The following MYL12B variants were observed in gnomAD, a reference collection of about 807,000 sequenced individuals.
The protein encoded by MYL12B is myosin light chain 12B, also known as myosin regulatory light chain 12B.
In MYL12B, 3 loss-of-function variants were observed where a neutral mutation model predicts 12.9. The ratio of observed to expected loss-of-function variants is 0.23; its 90% CI spans 0.11 to 0.60. The LOEUF (loss-of-function observed/expected upper bound fraction) is 0.60, where lower values mean the gene tolerates loss of function less well. Among genes scored for constraint, MYL12B ranks in the 20% least tolerant of loss-of-function variants. MYL12B has a pLI of 0.89. For synonymous variants in MYL12B, 57 were observed against 71.9 expected, an observed-to-expected ratio of 0.79 and a Z score of 1.05; for missense variants, 120 against 215.4, an observed-to-expected ratio of 0.56 and a Z score of 2.77.
intron 1 of MYL12B, among the ~76,000 whole-genome samples, chr18:3,264,174 G>A (rs1216521678): frequency 6.6e-6 from 1 of 152,104 alleles, no homozygotes; most frequent in African/African-American, 2.4e-5. Context: ...GTAGAGAAAA[G>A]CCTCATGTTG....
chr18:3,268,074 A>G (rs1253035623), intron 1 of MYL12B, among the ~76,000 whole-genome samples: 1 of 152,192 alleles, frequency 6.6e-6, no homozygotes, highest in Non-Finnish European at 1.5e-5. Context: ...GAACCTGTGG[A>G]TATGGAGGGC....
intron 1 of MYL12B, among the ~76,000 whole-genome samples, chr18:3,264,045 A>G (rs1381613185): frequency 6.6e-6 from 1 of 152,218 alleles, no homozygotes; most frequent in Non-Finnish European, 1.5e-5. Flanking sequence ...AGTGCCTGGC[A>G]CATCTTTAGC....
intron 2 of MYL12B, 36 bp from the exon 3 acceptor site, chr18:3,277,217 T>G (rs772863574): frequency 1.3e-5 from 19 of 1,494,678 alleles, no homozygotes; most frequent in Non-Finnish European, 1.4e-5. Context: ...AATTAAATGT[T>G]TTTGTCTTTA....
intron 1 of MYL12B, among the ~76,000 whole-genome samples, chr18:3,271,809 A>C (rs944351106): frequency 6.6e-6 from 1 of 151,900 alleles, no homozygotes; most frequent in Non-Finnish European, 1.5e-5. Flanking sequence ...TGAAATGACA[A>C]GTGCCTTTTC....
intron 1 of MYL12B, among the ~76,000 whole-genome samples, chr18:3,263,744 T>C (rs1487087632): frequency 6.6e-6 from 1 of 152,258 alleles, no homozygotes; most frequent in Non-Finnish European, 1.5e-5. Flanking sequence ...TTCCTCATTC[T>C]ACACATTAGC....
At chr18:3,274,617 C>A (rs1025141233) in intron 2 of MYL12B, among the ~76,000 whole-genome samples, 14 of 152,318 alleles carry the variant, frequency 9.2e-5, no homozygotes, top group African/African-American at 3.4e-4. Flanking sequence ...CTTATTTGAA[C>A]ATGGTTTGAA....
At chr18:3,262,377 A>G (rs1226420335) in intron 1 of MYL12B, 140 bp downstream of exon 1, 1 of 152,116 alleles carries the variant, frequency 6.6e-6, no homozygotes, top group African/African-American at 2.4e-5. Flanking sequence ...ACTGGCTGAG[A>G]AGGGGGCGCG....
At chr18:3,267,052 G>T (rs1341518981) in intron 1 of MYL12B, among the ~76,000 whole-genome samples, 1 of 152,194 alleles carries the variant, frequency 6.6e-6, no homozygotes, top group African/African-American at 2.4e-5. Context: ...TGATCTAAGT[G>T]GTTAACTTAA....
chr18:3,273,303 G>T (rs1458833223), intron 2 of MYL12B, among the ~76,000 whole-genome samples: 6 of 152,142 alleles, frequency 3.9e-5, no homozygotes, highest in Non-Finnish European at 5.9e-5. Context: ...GTAGGCTAAT[G>T]TTCCTGTTAG....
intron 2 of MYL12B, among the ~76,000 whole-genome samples, chr18:3,273,850 G>GGTTT (rs1555636120): frequency 1.1e-5 from 1 of 89,322 alleles, no homozygotes; most frequent in African/African-American, 2.9e-5. Context: ...AAGAGGTGGG[G>GGTTT]GTTTTTTTTT....
At chr18:3,266,643 C>T (rs932601482) in intron 1 of MYL12B, among the ~76,000 whole-genome samples, 1 of 152,096 alleles carries the variant, frequency 6.6e-6, no homozygotes, top group Non-Finnish European at 1.5e-5. Flanking sequence ...ACACTTATGG[C>T]CTGCAGGAAT....
intron 1 of MYL12B, among the ~76,000 whole-genome samples, chr18:3,269,775 G>A (rs1337235467): frequency 2.6e-5 from 4 of 152,288 alleles, no homozygotes; most frequent in Middle Eastern, 6.8e-3. Flanking sequence ...ATATTTAAAC[G>A]GAGATAAACA....
At chr18:3,275,930 A>G (rs1181401658) in intron 2 of MYL12B, among the ~76,000 whole-genome samples, 1 of 152,182 alleles carries the variant, frequency 6.6e-6, no homozygotes, top group African/African-American at 2.4e-5. Context: ...TAGGACTGCA[A>G]TGCAGTGAAA....
chr18:3,268,035 A>G (rs1046763183), intron 1 of MYL12B, among the ~76,000 whole-genome samples: 8 of 152,244 alleles, frequency 5.3e-5, no homozygotes, highest in Admixed American at 3.3e-4. Context: ...TAAATGAACA[A>G]TTGATTCTCG....
chr18:3,264,093 A>G (rs1037536060), intron 1 of MYL12B, among the ~76,000 whole-genome samples: 7 of 152,192 alleles, frequency 4.6e-5, no homozygotes, highest in Non-Finnish European at 7.3e-5. Context: ...TCTTCCAGGT[A>G]TGGAGCAGTG....
intron 1 of MYL12B, among the ~76,000 whole-genome samples, chr18:3,267,519 T>C (rs1325048339): frequency 6.6e-6 from 1 of 152,198 alleles, no homozygotes; most frequent in East Asian, 1.9e-4. Flanking sequence ...CCACCTATAA[T>C]ACATAATACA....
intron 2 of MYL12B, among the ~76,000 whole-genome samples, chr18:3,275,888 T>G (rs1286492948): frequency 1.2e-4 from 19 of 152,196 alleles, no homozygotes. Context: ...GGGCTAATTT[T>G]GATATTGGAA....
At chr18:3,263,623 T>TAG (rs1184358769) in intron 1 of MYL12B, among the ~76,000 whole-genome samples, 4 of 152,242 alleles carry the variant, frequency 2.6e-5, no homozygotes, top group African/African-American at 7.2e-5. Flanking sequence ...GAACAGGATT[T>TAG]AGAGCCCCGA....
chr18:3,270,931 C>CAAAG (rs1420255834), intron 1 of MYL12B, among the ~76,000 whole-genome samples: 2 of 152,194 alleles, frequency 1.3e-5, no homozygotes, highest in Non-Finnish European at 2.9e-5. Context: ...CTCAGCCTCC[C>CAAAG]AAAGTGTTGA....
Sources: allele counts gnomAD v4.1 joint callset (sites outside exome capture counted in the v4.1 genomes callset), GRCh38; gene constraint gnomAD v4.1.1; transcripts MANE v1.5; gene names NCBI Gene and HGNC (gene_info 2026-07-23, HGNC 2026-07-21).